The following PPP1R17 variants were observed in gnomAD, a reference collection of about 807,000 sequenced individuals.
The protein encoded by PPP1R17 is protein phosphatase 1 regulatory subunit 17.
PPP1R17 carries 12 observed loss-of-function variants against 15.9 expected under a neutral mutation model. The ratio of observed to expected loss-of-function variants is 0.75; its 90% CI spans 0.48 to 1.22. The LOEUF is 1.22. Ranked by LOEUF, PPP1R17 falls within the 50% of genes most tolerant of loss-of-function variation. PPP1R17 has a pLI of 0.00. For synonymous variants in PPP1R17, 63 were observed against 64.5 expected, an observed-to-expected ratio of 0.98 and a Z score of 0.11; for missense variants, 211 against 187.3, an observed-to-expected ratio of 1.13 and a Z score of -0.74.
At chr7:31,698,733 T>A (rs975323306) in intron 4 of PPP1R17, among the ~76,000 whole-genome samples, 11 of 152,172 alleles carry the variant, frequency 7.2e-5, no homozygotes, top group African/African-American at 2.7e-4. Flanking sequence ...TAGGGATAAA[T>A]GCTGTGAAGA....
At chr7:31,690,017 C>T (rs755598612) in intron 1 of PPP1R17, among the ~76,000 whole-genome samples, 31 of 152,258 alleles carry the variant, frequency 2.0e-4, no homozygotes, top group Non-Finnish European at 3.2e-4. Context: ...AGTTTTGTGA[C>T]GAATCACTGC....
intron 3 of PPP1R17, chr7:31,695,942 A>C (rs779907381): frequency 5.6e-6 from 1 of 179,666 alleles, no homozygotes; most frequent in Non-Finnish European, 1.2e-5. Context: ...CATGGTGAGC[A>C]AAGTCACCAC....
In PPP1R17 at chr7:31,695,475, T is replaced by C; in HGVS notation, c.89T>C (p.Leu30Pro). The C allele has an allele frequency of 4.4e-6, 7 of 1,603,398 alleles. No homozygotes were observed. Among genetic ancestry groups the C allele is most frequent in the Non-Finnish European group, 5.9e-6 (7 of 1,176,822 alleles). Residue 30 changes from leucine (L) to proline (P), a missense_variant, in exon 3 of 5, where the codon CTT (leucine) becomes CCT (proline). Transcript: ENST00000342032. ...TGTATCCTGTCAAAATTAGATGATC[T>C]TTCAGACCAGTTCATTAAGGACTGT... ...LDPRCSHLDDLSDQFIKDCDL... is the reference protein window; with the variant it reads ...LDPRCSHLDDPSDQFIKDCDL...
chr7:31,695,668 C>T, intron 3 of PPP1R17, 47 bp downstream of exon 3: 1 of 1,553,796 alleles, frequency 6.4e-7, no homozygotes, highest in Non-Finnish European at 8.7e-7. Context: ...AGCCACTTGC[C>T]ACTAGGTTGC....
In PPP1R17 at chr7:31,703,123, CA is replaced by C. The variant is rs528822481; in HGVS notation, c.389-4079del. On this transcript the variant is annotated intron_variant, in intron 4 of 4. Coordinates refer to ENST00000342032, the MANE Select transcript of PPP1R17 (RefSeq NM_006658.5). ...AATATGTCTCCCAGGGCTGTTAACA[CA>C]ATTAAATAAAGTACATAAACTACTT... is the stretch of plus-strand genomic sequence containing the variant. Among the ~76,000 whole-genome samples, 124 of 152,268 alleles carry C rather than the reference CA, an allele frequency of 8.1e-4. 1 individual carries two copies. The highest frequency in any genetic ancestry group is 2.9e-3 in the African/African-American group (119 of 41,558).
intron 4 of PPP1R17, among the ~76,000 whole-genome samples, chr7:31,704,092 T>C (rs1583856748): frequency 6.6e-6 from 1 of 152,180 alleles, no homozygotes; most frequent in East Asian, 1.9e-4. Flanking sequence ...GCTGGAAGCA[T>C]CAAAGAGAAT....
intron 2 of PPP1R17, 34 bp downstream of exon 2, chr7:31,692,557 G>A (rs1281616906): frequency 2.0e-5 from 31 of 1,553,078 alleles, no homozygotes; most frequent in Non-Finnish European, 2.7e-5. Flanking sequence ...TGTCAGTGGT[G>A]GAAGTCAGAG....
intron 1 of PPP1R17, among the ~76,000 whole-genome samples, chr7:31,691,843 A>G (rs1327830942): frequency 6.6e-6 from 1 of 151,586 alleles, no homozygotes; most frequent in Non-Finnish European, 1.5e-5. Context: ...AACCCACAAC[A>G]GAAGCCTTAT....
At chr7:31,696,472 G>A (rs1325142520) in intron 3 of PPP1R17, among the ~76,000 whole-genome samples, 1 of 152,196 alleles carries the variant, frequency 6.6e-6, no homozygotes, top group African/African-American at 2.4e-5. Context: ...TTTTTAGAGA[G>A]TTACTCAATA....
In PPP1R17 at chr7:31,707,303, A is replaced by G. The variant is rs1296601487; in HGVS notation, c.*20A>G. 3 of 1,599,898 alleles carry G rather than the reference A, an allele frequency of 1.9e-6. No homozygotes were observed. The highest frequency in any genetic ancestry group is 2.2e-5 in the South Asian group (2 of 90,466). The stretch of plus-strand genomic sequence containing the variant: ...ATTTAAAGATAGTTCCCCTGAGACC[A>G]CTTGTAAATAGGTTAGATTGGTTCC... On this transcript the variant is annotated 3_prime_UTR_variant, in exon 5 of 5. Transcript: ENST00000342032.
chr7:31,699,875 A>T (rs1792768325), intron 4 of PPP1R17, among the ~76,000 whole-genome samples: 1 of 152,060 alleles, frequency 6.6e-6, no homozygotes, highest in South Asian at 2.1e-4. Context: ...GGGGTGCCAC[A>T]GACCTCGCCC....
chr7:31,696,334 A>G (rs1792582214), intron 3 of PPP1R17, among the ~76,000 whole-genome samples: 1 of 148,798 alleles, frequency 6.7e-6, no homozygotes, highest in South Asian at 2.1e-4. Flanking sequence ...TCAGTTTTCT[A>G]AGAAATAACA....
chr7:31,695,937 T>C, intron 3 of PPP1R17: 1 of 183,906 alleles, frequency 5.4e-6, no homozygotes, highest in Non-Finnish European at 1.1e-5. Context: ...AAACACATGG[T>C]GAGCAAAGTC....
chr7:31,694,576 A>C (rs1792496395), intron 2 of PPP1R17, among the ~76,000 whole-genome samples: 1 of 152,176 alleles, frequency 6.6e-6, no homozygotes, highest in African/African-American at 2.4e-5. Context: ...TATTGCAGGG[A>C]GAGGCAACTA....
chr7:31,696,541 G>A (rs1792591010), intron 3 of PPP1R17, among the ~76,000 whole-genome samples: 1 of 152,156 alleles, frequency 6.6e-6, no homozygotes, highest in Admixed American at 6.5e-5. Flanking sequence ...GAGGTATCAG[G>A]GTGGAAGTGT....
At chr7:31,703,949 C>T (rs1792961002) in intron 4 of PPP1R17, among the ~76,000 whole-genome samples, 1 of 152,226 alleles carries the variant, frequency 6.6e-6, no homozygotes, top group South Asian at 2.1e-4. Flanking sequence ...CAGGGGCCCT[C>T]ATCGCAGTGA....
chr7:31,693,554 T>G (rs1336571447), intron 2 of PPP1R17, among the ~76,000 whole-genome samples: 1 of 152,146 alleles, frequency 6.6e-6, no homozygotes, highest in Non-Finnish European at 1.5e-5. Context: ...ATCTTCAACA[T>G]GGAGAAAAGA....
chr7:31,703,683 C>T (rs1397085625), intron 4 of PPP1R17, among the ~76,000 whole-genome samples: 1 of 152,224 alleles, frequency 6.6e-6, no homozygotes, highest in Non-Finnish European at 1.5e-5. Context: ...TTCAGAAGGA[C>T]TCACATTGGT....
intron 1 of PPP1R17, among the ~76,000 whole-genome samples, chr7:31,688,340 G>A (rs1189580673): frequency 6.6e-6 from 1 of 152,220 alleles, no homozygotes; most frequent in Non-Finnish European, 1.5e-5. Flanking sequence ...TTGACTCACA[G>A]CATCCAATCT....
Sources: gnomAD v4.1 joint callset for allele counts (sites outside exome capture counted in the v4.1 genomes callset) on GRCh38, gnomAD v4.1.1 for gene constraint, MANE v1.5 for transcripts, NCBI Gene and HGNC (gene_info 2026-07-23, HGNC 2026-07-21) for gene names.